CATSPERG: variants seen among roughly 807,000 people sequenced by gnomAD.
The protein encoded by CATSPERG is cation channel sperm-associated auxiliary subunit gamma.
A neutral mutation model predicts 145.0 loss-of-function variants in CATSPERG; 115 were observed. The observed-to-expected ratio is 0.79, with a 90% CI of 0.68 to 0.93. CATSPERG has a LOEUF of 0.93. CATSPERG is among the 40% of genes least tolerant of loss of function. The pLI, the probability that CATSPERG is intolerant of heterozygous loss-of-function variation, is 0.00. For synonymous variants in CATSPERG, 588 were observed against 589.0 expected, an observed-to-expected ratio of 1.00 and a Z score of 0.02; for missense variants, 1,296 against 1,490.1, an observed-to-expected ratio of 0.87 and a Z score of 2.14.
intron 26 of CATSPERG, among the ~76,000 whole-genome samples, 166 bp from the exon 27 acceptor site, chr19:38,369,806 G>T (rs146846211): frequency 6.6e-6 from 1 of 152,302 alleles, no homozygotes; most frequent in African/African-American, 2.4e-5. Context: ...GGCACAGTAG[G>T]CGTTCAGTCA....
At position 38,367,552 on chromosome 19, in the gene CATSPERG, C is replaced by T; in HGVS notation, c.2814C>T (p.Asp938=). 1 of 1,614,142 alleles carries T rather than the reference C, an allele frequency of 6.2e-7. No individual in the cohort carries two copies. ...TGATTCAAGATTTGGTGACAGGAGA[C>T]TCCGGCAGTTTCCAGGGCAGGTAAA... ...FFLIQDLVTG[D]SGSFQGSYVL... Residue 938 remains aspartate, a synonymous_variant, in exon 24 of 29, where the codon GAC becomes GAT. Transcript: ENST00000409235.
chr19:38,348,015 C>A (rs1220950105), intron 7 of CATSPERG, among the ~76,000 whole-genome samples: 1 of 151,924 alleles, frequency 6.6e-6, no homozygotes, highest in Non-Finnish European at 1.5e-5. Flanking sequence ...TTCTGAGGAT[C>A]CCACGTGGAT....
chr19:38,336,393 C>T, intron 1 of CATSPERG: 1 of 350,008 alleles, frequency 2.9e-6, no homozygotes, highest in Non-Finnish European at 5.8e-6. Flanking sequence ...GAACCAATCG[C>T]CGAGAACCCG....
chr19:38,337,679 A>G lies in CATSPERG; in HGVS notation c.324+33A>G, dbSNP rs1184824475. On this transcript the variant is annotated intron_variant, in intron 3 of 28. Transcript: ENST00000409235. ...GGTGCAGCACGGATAGGCTCATTCTATGAGCCTTGGTTTTCCCACCTCTAA... is the reference window on the plus strand; with the variant it reads ...GGTGCAGCACGGATAGGCTCATTCTGTGAGCCTTGGTTTTCCCACCTCTAA... 8.5e-6 allele frequency: 13 copies of G among 1,535,814 alleles called. No homozygotes were observed. The East Asian group carries it at 3.2e-4, about 38-fold the overall frequency.
At chr19:38,336,502 CG>C (rs1231571676) in intron 1 of CATSPERG, 1 of 268,488 alleles carries the variant, frequency 3.7e-6, no homozygotes, top group African/African-American at 2.3e-5. Context: ...AACGGGGGCC[CG>C]GCCGGGAGCA....
intron 17 of CATSPERG, 40 bp from the exon 18 acceptor site, chr19:38,362,170 C>T (rs745925796): frequency 2.8e-5 from 43 of 1,555,116 alleles, no homozygotes; most frequent in Non-Finnish European, 3.6e-5. Flanking sequence ...GCTCTCGCCC[C>T]GCTGCCCAAT....
intron 17 of CATSPERG, 25 bp downstream of exon 17, chr19:38,361,886 A>AGCG: frequency 6.4e-7 from 1 of 1,568,256 alleles, no homozygotes; most frequent in Non-Finnish European, 8.7e-7. Flanking sequence ...GCGGGCGGGC[A>AGCG]GGCCTGAGAC....
intron 20 of CATSPERG, among the ~76,000 whole-genome samples, chr19:38,363,079 C>A (rs1451616453): frequency 6.6e-6 from 1 of 152,020 alleles, no homozygotes; most frequent in Non-Finnish European, 1.5e-5. Flanking sequence ...TGCTCAGTCG[C>A]CCAGGCTGGA....
intron 6 of CATSPERG, 57 bp downstream of exon 6, chr19:38,344,425 G>C: frequency 6.9e-7 from 1 of 1,451,732 alleles, no homozygotes; most frequent in Non-Finnish European, 9.5e-7. Flanking sequence ...CTGACGCCCT[G>C]GTTACTTCCC....
chr19:38,367,087 G>A lies in CATSPERG; in HGVS notation c.2614-69G>A. On this transcript the variant is annotated intron_variant, in intron 22 of 28. Coordinates refer to ENST00000409235, the MANE Select transcript of CATSPERG (RefSeq NM_021185.5). ...TTGTGGGAGGGGGACTGTCCTTCCT[G>A]CCCCTTACCCCTCCAGGGGCCTGAG... The A allele has an allele frequency of 1.3e-5, 19 of 1,459,718 alleles. No individual in the cohort carries two copies. In the South Asian group the frequency reaches 2.6e-4, roughly 20 times the overall value. The allele number at this position is 1,459,718 out of a possible 1,614,324, so 90.4% of individuals were successfully genotyped here.
chr19:38,348,219 T>C (rs534902099), intron 7 of CATSPERG, among the ~76,000 whole-genome samples: 79 of 152,268 alleles, frequency 5.2e-4, no homozygotes, highest in Non-Finnish European at 1.1e-3. Flanking sequence ...AGTGCACTGG[T>C]GTGATCATAG....
intron 25 of CATSPERG, 90 bp from the exon 26 acceptor site, chr19:38,367,958 C>T (rs1329909295): frequency 9.5e-6 from 12 of 1,269,594 alleles, no homozygotes; most frequent in Non-Finnish European, 1.4e-5. Flanking sequence ...CCTGCACCCA[C>T]CTGTGGCCTC....
Position 38,362,847 on chromosome 19 carries a change from G to C in CATSPERG, c.2475+15G>C. Reference sequence around the variant, plus strand: ...TGCTATTTTCGGTGAGGCCCCCCGGGGAGTTGGGATCAAGGGAGGTTTTGT... The same window carrying C: ...TGCTATTTTCGGTGAGGCCCCCCGGCGAGTTGGGATCAAGGGAGGTTTTGT... On this transcript the variant is annotated intron_variant, in intron 20 of 28. Coordinates refer to ENST00000409235, the MANE Select transcript of CATSPERG (RefSeq NM_021185.5). The C allele has an allele frequency of 1.3e-6, 2 of 1,488,550 alleles. No homozygotes were observed. The highest frequency in any genetic ancestry group is 1.9e-6 in the Non-Finnish European group (2 of 1,065,584). 92.2% of individuals were successfully genotyped at this position (1,488,550 alleles called of 1,614,324 possible). A position where few individuals can be genotyped will look rare whatever the true frequency, so the allele number is the denominator to read the frequency against.
intron 3 of CATSPERG, 25 bp from the exon 4 acceptor site, chr19:38,343,555 A>C: frequency 6.5e-7 from 1 of 1,528,302 alleles, no homozygotes. Flanking sequence ...ATAAGGACAC[A>C]CTTGTGGGGC....
chr19:38,360,866 CAGGGGTCTG>C, intron 16 of CATSPERG, 23 bp downstream of exon 16: 1 of 1,580,330 alleles, frequency 6.3e-7, no homozygotes, highest in Non-Finnish European at 8.6e-7. Flanking sequence ...CGGACCATGA[CAGGGGTCTG>C]AGGGCTCCCG....
At chr19:38,369,325 A>C (rs1232302152) in intron 26 of CATSPERG, 1 of 158,434 alleles carries the variant, frequency 6.3e-6, no homozygotes, top group Non-Finnish European at 1.4e-5. Context: ...CAGTAGTACA[A>C]TCTCAGCTCA....
At chr19:38,336,610 G>GTGAGGGGACCAGGGTCAAGTGAACC in intron 1 of CATSPERG, 8 of 242,856 alleles carry the variant, frequency 3.3e-5, no homozygotes, top group South Asian at 8.5e-5. Flanking sequence ...CCCGAGCGAG[G>GTGAGGGGACCAGGGTCAAGTGAACC]AGAAAGCGGC....
At chr19:38,336,483 C>G (rs1057239461) in intron 1 of CATSPERG, 23 of 270,210 alleles carry the variant, frequency 8.5e-5, no homozygotes, top group South Asian at 2.2e-4. Flanking sequence ...GAGCAAGCCC[C>G]GGGCGAGAAA....
At chr19:38,338,183 G>A (rs535012485) in intron 3 of CATSPERG, among the ~76,000 whole-genome samples, 1 of 150,730 alleles carries the variant, frequency 6.6e-6, no homozygotes, top group South Asian at 2.1e-4. Context: ...ACGGAGTCTC[G>A]CTCCGCCCAG....
Sources: allele counts gnomAD v4.1 joint callset (sites outside exome capture counted in the v4.1 genomes callset), GRCh38; gene constraint gnomAD v4.1.1; transcripts MANE v1.5; gene names NCBI Gene and HGNC (gene_info 2026-07-23, HGNC 2026-07-21).